NCS1: variants seen among roughly 807,000 people sequenced by gnomAD.
The protein encoded by NCS1 is neuronal calcium sensor 1.
In NCS1, 6 loss-of-function variants were observed where a neutral mutation model predicts 28.4. That is an observed-to-expected ratio of 0.21 (90% CI 0.12 to 0.42). The LOEUF (loss-of-function observed/expected upper bound fraction) is 0.42, where lower values mean the gene tolerates loss of function less well. NCS1 is among the 10% of genes least tolerant of loss of function. NCS1 has a pLI of 1.00. For missense variants in NCS1, 131 were observed against 241.4 expected, an observed-to-expected ratio of 0.54 and a Z score of 3.03; for synonymous variants, 86 against 99.3, an observed-to-expected ratio of 0.87 and a Z score of 0.79.
chr9:130,220,519 T>A (rs1395333494), intron 4 of NCS1, among the ~76,000 whole-genome samples: 1 of 150,946 alleles, frequency 6.6e-6, no homozygotes, highest in Non-Finnish European at 1.5e-5. Flanking sequence ...GGAGGGGGCG[T>A]TAAGGGCTCC....
intron 5 of NCS1, 89 bp from the exon 6 acceptor site, chr9:130,222,993 G>T: frequency 8.6e-7 from 1 of 1,156,944 alleles, no homozygotes; most frequent in Non-Finnish European, 1.3e-6. Flanking sequence ...CCCTCATCTG[G>T]AAACTGCCAG....
chr9:130,193,207 G>C (rs13288372), intron 1 of NCS1, among the ~76,000 whole-genome samples: 41,177 of 152,152 alleles, frequency 0.27, 5,864 homozygotes, highest in Admixed American at 0.36. Context: ...AGGGGGCTCT[G>C]AGGTACTGCA....
chr9:130,204,116 C>T (rs1832994659), intron 2 of NCS1, among the ~76,000 whole-genome samples: 1 of 152,248 alleles, frequency 6.6e-6, no homozygotes, highest in African/African-American at 2.4e-5. Flanking sequence ...CCTCAGCCTC[C>T]CAAGTAGCTG....
At chr9:130,179,978 G>C (rs1832630126) in intron 1 of NCS1, among the ~76,000 whole-genome samples, 1 of 151,458 alleles carries the variant, frequency 6.6e-6, no homozygotes, top group Non-Finnish European at 1.5e-5. Context: ...TTCAGATAGG[G>C]ATGTCTTGCC....
intron 7 of NCS1, among the ~76,000 whole-genome samples, chr9:130,231,384 T>C (rs547544116): frequency 6.6e-6 from 1 of 152,260 alleles, no homozygotes; most frequent in African/African-American, 2.4e-5. Flanking sequence ...GTTTATTTTT[T>C]ATGTATTTAT....
intron 6 of NCS1, among the ~76,000 whole-genome samples, chr9:130,224,440 C>A (rs1833384002): frequency 6.8e-6 from 1 of 147,470 alleles, no homozygotes; most frequent in African/African-American, 2.5e-5. Context: ...TGCCTGTAAT[C>A]CCAGCTACTC....
rs1221893551 is a variant in NCS1 at position 130,235,276 on chromosome 9, T to G, written c.*2304T>G. ...GGGACTCAGCACCAACGGCTGAAGT[T>G]TCTCAGCTGGGCTCTGACCTGGGGT... On this transcript the variant is annotated 3_prime_UTR_variant, in exon 8 of 8. Coordinates refer to ENST00000372398, the MANE Select transcript of NCS1 (RefSeq NM_014286.4). 1 of 152,400 alleles carries G rather than the reference T, an allele frequency of 6.6e-6. No individual in the cohort carries two copies. The highest frequency in any genetic ancestry group is 1.5e-5 in the Non-Finnish European group (1 of 68,192). 9.4% of individuals were successfully genotyped at this position (152,400 alleles called of 1,614,324 possible).
chr9:130,232,170 C>T lies in NCS1; in HGVS notation c.*18-820C>T, dbSNP rs946742478. 1.3e-5 allele frequency among the ~76,000 whole-genome samples: 2 copies of T among 152,144 alleles called. No homozygotes were observed. The highest frequency in any genetic ancestry group is 1.3e-4 in the Admixed American group (2 of 15,278). Reference sequence around the variant, plus strand: ...CTGTGTTGGCCAAGCTGGTCTTGAACTCCTGGCCTCAAGCGATCCTCCTGC... The same window carrying T: ...CTGTGTTGGCCAAGCTGGTCTTGAATTCCTGGCCTCAAGCGATCCTCCTGC... On this transcript the variant is annotated intron_variant, in intron 7 of 7. Transcript: ENST00000372398. This position sits in a 1 kb window ranked among gnomAD's most constrained non-coding sequence, Gnocchi z 4.4.
rs1832736313 is a variant in NCS1 at position 130,186,161 on chromosome 9, C to T, written c.64+13434C>T. Among the ~76,000 whole-genome samples the T allele has an allele frequency of 6.6e-6, 1 of 152,246 alleles. No homozygotes were observed. Reference sequence around the variant, plus strand: ...CTTGATTTAGAGAATGTTTATGGAACAGCTGCCTCGTGTTAGGCCCTGCGG... The same window carrying T: ...CTTGATTTAGAGAATGTTTATGGAATAGCTGCCTCGTGTTAGGCCCTGCGG... On this transcript the variant is annotated intron_variant, in intron 1 of 7. Coordinates refer to ENST00000372398, the MANE Select transcript of NCS1 (RefSeq NM_014286.4). This position sits in a 1 kb window ranked among gnomAD's most constrained non-coding sequence, Gnocchi z 4.1.
chr9:130,216,211 A>G (rs1833184100), intron 2 of NCS1, among the ~76,000 whole-genome samples: 1 of 152,102 alleles, frequency 6.6e-6, no homozygotes. Flanking sequence ...GTACTCCCAT[A>G]ACCCTCTCCG....
intron 6 of NCS1, among the ~76,000 whole-genome samples, chr9:130,223,682 G>A (rs1268164696): frequency 5.3e-5 from 8 of 152,018 alleles, no homozygotes; most frequent in African/African-American, 1.7e-4. Context: ...CCCTACTGTC[G>A]ACAGATCACA....
intron 2 of NCS1, among the ~76,000 whole-genome samples, chr9:130,207,648 C>T (rs1554908265): frequency 1.3e-5 from 2 of 152,242 alleles, no homozygotes; most frequent in Non-Finnish European, 2.9e-5. Flanking sequence ...GAAGCAGAGC[C>T]TGGACTAGAA....
chr9:130,216,732 G>T (rs1301141908), intron 2 of NCS1, among the ~76,000 whole-genome samples: 7 of 149,966 alleles, frequency 4.7e-5, no homozygotes, highest in African/African-American at 1.7e-4. Flanking sequence ...AAAAAAAAAA[G>T]GCTTCCTCGT....
rs1164149012 is a variant in NCS1 at position 130,180,527 on chromosome 9, G to A, written c.64+7800G>A. 6.6e-6 allele frequency among the ~76,000 whole-genome samples: 1 copy of A among 152,182 alleles called. No homozygotes were observed. The highest frequency in any genetic ancestry group is 6.5e-5 in the Admixed American group (1 of 15,270). On this transcript the variant is annotated intron_variant, in intron 1 of 7. Transcript: ENST00000372398. This position sits in a 1 kb window ranked among gnomAD's most constrained non-coding sequence, Gnocchi z 4.5. ...CAGGGCAGAGAGTGTCAGAGATTAC[G>A]TTGCGGCGTTTCTAGGTAACTTGAG... is the stretch of plus-strand genomic sequence containing the variant.
chr9:130,172,942 T>C (rs1554904244), intron 1 of NCS1, among the ~76,000 whole-genome samples: 1 of 151,012 alleles, frequency 6.6e-6, no homozygotes, highest in African/African-American at 2.4e-5. Context: ...GCCCGGGGAG[T>C]GCGCGCCGGT....
chr9:130,196,655 C>T (rs1229685339), intron 1 of NCS1, among the ~76,000 whole-genome samples: 1 of 152,146 alleles, frequency 6.6e-6, no homozygotes, highest in Non-Finnish European at 1.5e-5. Flanking sequence ...AGGAGAATTG[C>T]TTGAACCCTG....
chr9:130,184,920 C>A (rs1188277833), intron 1 of NCS1, among the ~76,000 whole-genome samples: 1 of 151,648 alleles, frequency 6.6e-6, no homozygotes, highest in Non-Finnish European at 1.5e-5. Context: ...GCTGAGATTG[C>A]GCCACTGCAG....
rs1429200505 is a variant in NCS1, at chr9:130,220,071, G to A, written c.307+268G>A. ...GGTGGGAGGGTTTCCTGGAGGCACCGGCAGCAGGAAGGAGCTCGCTGAGGC... is the reference window on the plus strand; with the variant it reads ...GGTGGGAGGGTTTCCTGGAGGCACCAGCAGCAGGAAGGAGCTCGCTGAGGC... On this transcript the variant is annotated intron_variant, in intron 4 of 7. Coordinates refer to ENST00000372398, the MANE Select transcript of NCS1 (RefSeq NM_014286.4). Among the ~76,000 whole-genome samples, 10 of 152,310 alleles carry A rather than the reference G, an allele frequency of 6.6e-5. No individual in the cohort carries two copies. In the South Asian group the frequency reaches 1.5e-3, roughly 22 times the overall value.
In NCS1 at chr9:130,177,315, A is replaced by C. The variant is rs1554904725; in HGVS notation, c.64+4588A>C. Among the ~76,000 whole-genome samples the C allele has an allele frequency of 6.6e-6, 1 of 152,016 alleles. No homozygotes were observed. The highest frequency in any genetic ancestry group is 1.9e-4 in the East Asian group (1 of 5,168). On this transcript the variant is annotated intron_variant, in intron 1 of 7. Coordinates refer to ENST00000372398, the MANE Select transcript of NCS1 (RefSeq NM_014286.4). This position sits in a 1 kb window ranked among gnomAD's most constrained non-coding sequence, Gnocchi z 4.4. ...TTCTCTGATCATCACTCCCCACCCAACTCTGCTCAACCAGGGTGGGCCAAG... is the reference window on the plus strand; with the variant it reads ...TTCTCTGATCATCACTCCCCACCCACCTCTGCTCAACCAGGGTGGGCCAAG...
Sources: allele counts gnomAD v4.1 joint callset (sites outside exome capture counted in the v4.1 genomes callset), GRCh38; gene constraint gnomAD v4.1.1; non-coding constraint Gnocchi (gnomAD v3.1); transcripts MANE v1.5; gene names NCBI Gene and HGNC (gene_info 2026-07-23, HGNC 2026-07-21).